The following SLF1 variants were observed in gnomAD, a reference collection of about 807,000 sequenced individuals.
SLF1 encodes the protein SMC5/6 complex localization factor 1.
A neutral mutation model predicts 123.0 loss-of-function variants in SLF1; 105 were observed. The observed-to-expected ratio is 0.85, with a 90% CI of 0.73 to 1.00. The LOEUF (loss-of-function observed/expected upper bound fraction) is 1.00. Among genes scored for constraint, SLF1 ranks in the 50% least tolerant of loss-of-function variants. The pLI is 0.00. For synonymous variants in SLF1, 434 were observed against 406.6 expected (o/e 1.07, Z -0.81); for missense variants, 1,239 against 1,223.0 (o/e 1.01, Z -0.20).
chr5:94,637,265 G>A (rs1745925054), intron 4 of SLF1, among the ~76,000 whole-genome samples: 2 of 152,216 alleles, frequency 1.3e-5, no homozygotes, highest in South Asian at 4.1e-4. Context: ...GATTCTGTAT[G>A]GGCTGGTAAT....
intron 16 of SLF1, among the ~76,000 whole-genome samples, chr5:94,687,495 G>A (rs757853381): frequency 1.3e-5 from 2 of 152,024 alleles, no homozygotes; most frequent in Non-Finnish European, 2.9e-5. Context: ...CCAGGAGTTC[G>A]AGACCAGCCT....
At chr5:94,689,740 G>A (rs1752869811) in intron 18 of SLF1, 134 bp downstream of exon 18, 1 of 714,638 alleles carries the variant, frequency 1.4e-6, no homozygotes, top group Non-Finnish European at 2.2e-6. Context: ...TACCTTCTTG[G>A]ATAACGTATT....
chr5:94,679,730 C>G (rs1232970260), intron 15 of SLF1, among the ~76,000 whole-genome samples: 1 of 152,100 alleles, frequency 6.6e-6, no homozygotes, highest in African/African-American at 2.4e-5. Context: ...TCTTTTCTCC[C>G]CATTACCTAC....
chr5:94,618,686 T>G lies in SLF1; in HGVS notation c.-80T>G, dbSNP rs925744969. The G allele has an allele frequency of 2.6e-5, 4 of 154,744 alleles. No individual in the cohort carries two copies. The highest frequency in any genetic ancestry group is 1.0e-3 in the Middle Eastern group (2 of 1,948). The allele number at this position is 154,744 out of a possible 1,614,324, so 9.6% of individuals were successfully genotyped here. On this transcript the variant is annotated 5_prime_UTR_variant, in exon 1 of 21. Transcript: ENST00000265140. ...AATTGTTTCCCAGAGCCCGGATTCG[T>G]GAAGCAGTTGAGTGCTGCAGCGGCA...
intron 14 of SLF1, among the ~76,000 whole-genome samples, chr5:94,677,002 T>C (rs1166777188): frequency 2.0e-5 from 3 of 152,216 alleles, no homozygotes; most frequent in African/African-American, 7.2e-5. Context: ...TAATCCCATA[T>C]TAGGCATAAT....
chr5:94,666,761 C>T (rs1749806209), intron 12 of SLF1, among the ~76,000 whole-genome samples: 1 of 152,060 alleles, frequency 6.6e-6, no homozygotes, highest in Non-Finnish European at 1.5e-5. Context: ...CTTAGCCTTC[C>T]AAGTAGCTAG....
At chr5:94,691,393 A>G (rs1429764319) in intron 18 of SLF1, 171 bp from the exon 19 acceptor site, 3 of 196,500 alleles carry the variant, frequency 1.5e-5, no homozygotes, top group Non-Finnish European at 2.0e-5. Context: ...TCCCCTTCCC[A>G]CCCCCCACCC....
At chr5:94,658,498 C>T (rs1763892719) in intron 9 of SLF1, among the ~76,000 whole-genome samples, 1 of 151,516 alleles carries the variant, frequency 6.6e-6, no homozygotes, top group African/African-American at 2.4e-5. Context: ...TTATTCTTTC[C>T]TGGCTTATAA....
intron 7 of SLF1, among the ~76,000 whole-genome samples, chr5:94,652,571 A>C (rs140254921): frequency 7.9e-5 from 12 of 152,286 alleles, no homozygotes; most frequent in African/African-American, 2.6e-4. Flanking sequence ...ACTGTTGATA[A>C]GCCTTTGGGC....
rs533061402 is a variant in SLF1, at chr5:94,670,023, G to T, written c.1533-128G>T. ...GGAAGAAATATATTCATAAAATTTTGTTGAACTTTCTATTTTAAGAAAATT... is the reference window on the plus strand; with the variant it reads ...GGAAGAAATATATTCATAAAATTTTTTTGAACTTTCTATTTTAAGAAAATT... On this transcript the variant is annotated intron_variant, in intron 12 of 20. Coordinates refer to ENST00000265140, the MANE Select transcript of SLF1 (RefSeq NM_032290.4). 2.4e-5 allele frequency: 22 copies of T among 901,178 alleles called. No homozygotes were observed. The African/African-American group carries it at 2.8e-4, about 12-fold the overall frequency. 55.8% of individuals were successfully genotyped at this position (901,178 alleles called of 1,614,324 possible). A position where few individuals can be genotyped will look rare whatever the true frequency, so the allele number is the denominator to read the frequency against.
intron 1 of SLF1, among the ~76,000 whole-genome samples, chr5:94,621,261 C>A (rs1791759457): frequency 6.6e-6 from 1 of 152,132 alleles, no homozygotes; most frequent in Admixed American, 6.5e-5. Flanking sequence ...AAAAGGCATA[C>A]AGTTTTTGCA....
intron 1 of SLF1, among the ~76,000 whole-genome samples, chr5:94,627,609 T>TATAC (rs1744650943): frequency 7.2e-6 from 1 of 138,064 alleles, no homozygotes; most frequent in Non-Finnish European, 1.6e-5. Flanking sequence ...TATATATATA[T>TATAC]ATATATATAT....
intron 20 of SLF1, among the ~76,000 whole-genome samples, chr5:94,693,884 G>T (rs573676372): frequency 5.3e-5 from 8 of 151,212 alleles, no homozygotes; most frequent in Non-Finnish European, 1.0e-4. Context: ...TATTATCAAT[G>T]GTTGATCTTT....
At chr5:94,693,754 CT>C (rs35927042) in intron 20 of SLF1, among the ~76,000 whole-genome samples, 2,107 of 129,498 alleles carry the variant, frequency 0.016, 15 homozygotes, top group Middle Eastern at 0.035. Context: ...GTAATTTTGT[CT>C]TTTTTTTTTT....
rs1585105515 is a variant in SLF1, at chr5:94,630,580, T to A, written c.268T>A (p.Trp90Arg). 1 of 1,551,646 alleles carries A rather than the reference T, an allele frequency of 6.4e-7. No homozygotes were observed. The highest frequency in any genetic ancestry group is 2.4e-5 in the East Asian group (1 of 40,910). The part of the protein sequence containing the change: ...GRWLDETTYE[W>R]GYKIEKDSRY... ...ATGGCTTGATGAAACAACTTATGAA[T>A]GGGGATATAAAATTGAAAAAGATTC... is the stretch of plus-strand genomic sequence containing the variant. The change falls in exon 4 of 21, where the codon TGG becomes AGG. Residue 90 changes from tryptophan (W) to arginine (R), a missense_variant. By Grantham distance (101) the Trp-to-Arg change is moderately radical. Coordinates refer to ENST00000265140, the MANE Select transcript of SLF1 (RefSeq NM_032290.4).
intron 15 of SLF1, among the ~76,000 whole-genome samples, chr5:94,684,148 T>C (rs898116730): frequency 3.9e-5 from 6 of 152,238 alleles, no homozygotes; most frequent in African/African-American, 1.4e-4. Context: ...TCAACTCTTT[T>C]GAACTCTACA....
At chr5:94,674,087 C>G (rs1027030485) in intron 14 of SLF1, among the ~76,000 whole-genome samples, 1 of 152,012 alleles carries the variant, frequency 6.6e-6, no homozygotes, top group Admixed American at 6.6e-5. Context: ...TATAAATTAC[C>G]ATCTGTCTTT....
chr5:94,662,146 T>A (rs1749198619), intron 9 of SLF1, among the ~76,000 whole-genome samples, 152 bp from the exon 10 acceptor site: 1 of 152,240 alleles, frequency 6.6e-6, no homozygotes, highest in Non-Finnish European at 1.5e-5. Flanking sequence ...TAATAAAAGT[T>A]GCTAGTTTGA....
rs1397060200 is a variant in SLF1, at chr5:94,694,831, G to A, written c.2696G>A (p.Gly899Asp). ...AACATTTTGCATTTTCTTTTCACAG[G>A]CCCAGTGCTTTTACAACAGAGGAAT... ...EIGKLLLQHG[G>D]PVLLQQRNAK... is the part of the protein sequence containing the mutation. The change falls in exon 21 of 21, where the codon GGC becomes GAC. Residue 899 changes from glycine to aspartate, a missense_variant and splice_region_variant. Transcript: ENST00000265140. 4 of 1,555,704 alleles carry A rather than the reference G, an allele frequency of 2.6e-6. No homozygotes were observed. Among genetic ancestry groups the A allele is most frequent in the African/African-American group, 2.8e-5 (2 of 72,136 alleles).
Sources: allele counts gnomAD v4.1 joint callset (sites outside exome capture counted in the v4.1 genomes callset), GRCh38; gene constraint gnomAD v4.1.1; transcripts MANE v1.5; gene names NCBI Gene and HGNC (gene_info 2026-07-23, HGNC 2026-07-21).